Variants in UBN1 observed in about 807,000 individuals in gnomAD.
The protein encoded by UBN1 is ubinuclein 1, also known as ubinuclein-1.
A neutral mutation model predicts 108.5 loss-of-function variants in UBN1; 17 were observed. The observed-to-expected ratio is 0.16, with a 90% CI of 0.11 to 0.24. UBN1 has a LOEUF of 0.24. Among genes scored for constraint, UBN1 ranks in the 10% least tolerant of loss-of-function variants. The probability of loss-of-function intolerance (pLI) is 1.00; values close to 1 mark genes in which losing one functional copy is unlikely to be tolerated. For synonymous variants in UBN1, 726 were observed against 564.2 expected, an observed-to-expected ratio of 1.29 and a Z score of -4.07; for missense variants, 1,595 against 1,394.4, an observed-to-expected ratio of 1.14 and a Z score of -2.29.
Position 4,868,843 on chromosome 16 carries a change from C to A in UBN1, c.1121C>A (p.Ala374Asp), listed in dbSNP as rs2087464858. The A allele has an allele frequency of 4.3e-6, 7 of 1,613,708 alleles. No homozygotes were observed. The highest frequency in any genetic ancestry group is 4.2e-6 in the Non-Finnish European group (5 of 1,179,840). ...RVKELAQAARAAEGESRQKFF... is the reference protein window; with the variant it reads ...RVKELAQAARDAEGESRQKFF... ...TCTGCTGTGCACCAGGCTGCCAGAG[C>A]TGCTGAGGGGGAGAGCAGACAGAAG... The change falls in exon 8 of 18, where the codon GCT becomes GAT. Residue 374 changes from alanine (A) to aspartate (D), a missense_variant. By Grantham distance (126) the Ala-to-Asp change is moderately radical. Coordinates refer to ENST00000262376, the MANE Select transcript of UBN1 (RefSeq NM_001079514.3).
chr16:4,858,275 C>G (rs149500619), intron 3 of UBN1, among the ~76,000 whole-genome samples, 199 bp downstream of exon 3: 442 of 152,340 alleles, frequency 2.9e-3, no homozygotes, highest in African/African-American at 0.01. Context: ...GAAGAGCTAA[C>G]TGGACAAATA....
chr16:4,852,736 G>A, intron 1 of UBN1, 143 bp from the exon 2 acceptor site: 1 of 887,896 alleles, frequency 1.1e-6, no homozygotes, highest in Admixed American at 3.2e-5. Flanking sequence ...GGATGAATAA[G>A]CAGAAAAAAA....
At position 4,874,591 on chromosome 16, in the gene UBN1, A is replaced by G. The variant is rs2087792963; in HGVS notation, c.2181A>G (p.Pro727=). 1 of 1,614,056 alleles carries G rather than the reference A, an allele frequency of 6.2e-7. No individual in the cohort carries two copies. Among genetic ancestry groups the G allele is most frequent in the Admixed American group, 1.7e-5 (1 of 59,992 alleles). ...CGAAGCCTAGTCCTTCTGCTCCACC[A>G]CCAGCTAGCTCTCTGCAGTCACCCC... is the stretch of plus-strand genomic sequence containing the variant. ...NFAKPSPSAP[P]PASSLQSPLN... is the part of the protein sequence containing the mutation. Residue 727 remains proline (P), a synonymous_variant, in exon 15 of 18, where the codon CCA becomes CCG. Coordinates refer to ENST00000262376, the MANE Select transcript of UBN1 (RefSeq NM_001079514.3).
Position 4,880,247 on chromosome 16 carries a change from G to A in UBN1, c.*115G>A, listed in dbSNP as rs1398988665. On this transcript the variant is annotated 3_prime_UTR_variant, in exon 18 of 18. Coordinates refer to ENST00000262376, the MANE Select transcript of UBN1 (RefSeq NM_001079514.3). ...CTGCTTGGTGTTCTTCTGGAGGAGC[G>A]TGAGTTCTCAGCGGAGCGCTTCTCG... 6.4e-6 allele frequency: 8 copies of A among 1,250,988 alleles called. No homozygotes were observed. Among genetic ancestry groups the A allele is most frequent in the East Asian group, 4.7e-5 (2 of 42,466 alleles). 77.5% of individuals were successfully genotyped at this position (1,250,988 alleles called of 1,614,324 possible). A position where few individuals can be genotyped will look rare whatever the true frequency, so the allele number is the denominator to read the frequency against.
chr16:4,870,742 G>T, intron 10 of UBN1, 102 bp from the exon 11 acceptor site: 1 of 1,587,954 alleles, frequency 6.3e-7, no homozygotes, highest in South Asian at 1.1e-5. Context: ...GCTCTTCTTT[G>T]GCCTTTTCTC....
rs1315787234 is a variant in UBN1 at position 4,877,431 on chromosome 16, C to G, written c.3312C>G (p.Leu1104=). The G allele has an allele frequency of 6.2e-7, 1 of 1,612,558 alleles. No individual in the cohort carries two copies. The highest frequency in any genetic ancestry group is 8.5e-7 in the Non-Finnish European group (1 of 1,179,800). The change falls in exon 17 of 18, where the codon CTC becomes CTG. Residue 1104 remains leucine (L), a synonymous_variant. Transcript: ENST00000262376. The surrounding 1 kb of genome is among the most constrained non-coding windows in gnomAD (Gnocchi z 4.3). Reference sequence around the variant, plus strand: ...CCAGCCCGCCCCATGCAGCGCCTCTCCCACACGCTGCGGTGCCCACCCATA... The same window carrying G: ...CCAGCCCGCCCCATGCAGCGCCTCTGCCACACGCTGCGGTGCCCACCCATA... ...LHSSPPHAAP[L]PHAAVPTHIP...
chr16:4,880,642 T>G lies in UBN1; in HGVS notation c.*510T>G, dbSNP rs1209986364. On this transcript the variant is annotated 3_prime_UTR_variant, in exon 18 of 18. Coordinates refer to ENST00000262376, the MANE Select transcript of UBN1 (RefSeq NM_001079514.3). ...AGGCCAGAGCCACAGCTGGGAGACC[T>G]GCACTGTCCCTGCGAAATACTAAGA... 3 of 161,192 alleles carry G rather than the reference T, an allele frequency of 1.9e-5. No individual in the cohort carries two copies. Among genetic ancestry groups the G allele is most frequent in the East Asian group, 3.3e-4 (2 of 6,006 alleles). The allele number at this position is 161,192 out of a possible 1,614,324, so 10.0% of individuals were successfully genotyped here.
intron 7 of UBN1, 42 bp downstream of exon 7, chr16:4,861,144 T>G (rs747871553): frequency 1.2e-4 from 182 of 1,567,034 alleles, no homozygotes; most frequent in Non-Finnish European, 1.5e-4. Flanking sequence ...GGAAGCAGTT[T>G]GGGCAGATTG....
Position 4,860,751 on chromosome 16 carries a change from G to C in UBN1, c.759G>C (p.Gln253His). The C allele has an allele frequency of 6.2e-7, 1 of 1,614,260 alleles. No individual in the cohort carries two copies. The highest frequency in any genetic ancestry group is 8.5e-7 in the Non-Finnish European group (1 of 1,180,046). The change falls in exon 7 of 18, where the codon CAG becomes CAC. Residue 253 changes from glutamine (Q) to histidine (H), a missense_variant. Transcript: ENST00000262376. ...LSVKEMLKKFQKEKEAQKKRE... is the reference protein window; with the variant it reads ...LSVKEMLKKFHKEKEAQKKRE... The stretch of plus-strand genomic sequence containing the variant: ...TTAAAGAGATGCTAAAGAAATTTCA[G>C]AAAGAGAAAGAGGCTCAGAAAAAAA...
rs149970202 is a variant in UBN1, at chr16:4,874,260, T to C, written c.1850T>C (p.Ile617Thr). Residue 617 changes from isoleucine (I) to threonine (T), a missense_variant, in exon 15 of 18, where the codon ATT becomes ACT. Physicochemically the swap from Ile to Thr is moderately conservative, Grantham distance 89. Coordinates refer to ENST00000262376, the MANE Select transcript of UBN1 (RefSeq NM_001079514.3). The part of the protein sequence containing the change: ...DKKVSVPSGQ[I>T]GGPIALPSDH... ...AAGGTTTCTGTCCCATCAGGACAGA[T>C]TGGTGGCCCCATTGCTTTGCCCTCA... 4 of 1,609,846 alleles carry C rather than the reference T, an allele frequency of 2.5e-6. No individual in the cohort carries two copies. The highest frequency in any genetic ancestry group is 1.3e-5 in the African/African-American group (1 of 74,706).
chr16:4,850,381 G>C (rs1046825099), intron 1 of UBN1, among the ~76,000 whole-genome samples: 2 of 152,298 alleles, frequency 1.3e-5, no homozygotes, highest in South Asian at 2.1e-4. Context: ...CTGGACAGGG[G>C]GAGTAGGACC....
At position 4,874,552 on chromosome 16, in the gene UBN1, A is replaced by G. The variant is rs768888500; in HGVS notation, c.2142A>G (p.Glu714=). The G allele has an allele frequency of 1.9e-6, 3 of 1,614,228 alleles. No individual in the cohort carries two copies. In the South Asian group the frequency reaches 3.3e-5, roughly 18 times the overall value. The change falls in exon 15 of 18, where the codon GAA becomes GAG. Residue 714 remains glutamate, a synonymous_variant. Coordinates refer to ENST00000262376, the MANE Select transcript of UBN1 (RefSeq NM_001079514.3). ...TTGGAGGCGTTTTATGTACAGAAGA[A>G]AAAAGGAACTTTGCGAAGCCTAGTC... ...EKVGGVLCTE[E]KRNFAKPSPS...
intron 2 of UBN1, among the ~76,000 whole-genome samples, chr16:4,855,904 G>A (rs890773341): frequency 2.6e-5 from 4 of 152,118 alleles, no homozygotes; most frequent in Non-Finnish European, 5.9e-5. Flanking sequence ...GGGTGATGGC[G>A]ACTCCATCTC....
At position 4,874,553 on chromosome 16, in the gene UBN1, A is replaced by G. The variant is rs776996046; in HGVS notation, c.2143A>G (p.Lys715Glu). 12 of 1,614,124 alleles carry G rather than the reference A, an allele frequency of 7.4e-6. No homozygotes were observed. The highest frequency in any genetic ancestry group is 1.0e-5 in the Non-Finnish European group (12 of 1,180,054). Residue 715 changes from lysine to glutamate, a missense_variant, in exon 15 of 18, where the codon AAA becomes GAA. Physicochemically the swap from Lys to Glu is moderately conservative, Grantham distance 56. This residue lies in a region of UBN1 where 1,398 missense variants were observed against 1,194.7 expected (regional missense o/e 1.17). Transcript: ENST00000262376. The part of the protein sequence containing the change: ...KVGGVLCTEE[K>E]RNFAKPSPSA... ...TGGAGGCGTTTTATGTACAGAAGAA[A>G]AAAGGAACTTTGCGAAGCCTAGTCC...
intron 7 of UBN1, among the ~76,000 whole-genome samples, chr16:4,868,221 A>T (rs942716814): frequency 1.3e-5 from 2 of 152,076 alleles, no homozygotes; most frequent in Non-Finnish European, 2.9e-5. Context: ...GGTGTGTGTT[A>T]ACTGTGTTCT....
chr16:4,849,183 C>G (rs1428807282), intron 1 of UBN1, among the ~76,000 whole-genome samples: 1 of 152,150 alleles, frequency 6.6e-6, no homozygotes. Flanking sequence ...ACATCAGAAA[C>G]ATGGTACATT....
intron 1 of UBN1, among the ~76,000 whole-genome samples, chr16:4,851,480 T>C (rs998116664): frequency 6.6e-6 from 1 of 152,026 alleles, no homozygotes; most frequent in African/African-American, 2.4e-5. Context: ...ACACAAGTTC[T>C]TCTATAAGAT....
In UBN1 at chr16:4,877,682, C is replaced by T. The variant is rs754789433; in HGVS notation, c.3355+208C>T. The T allele has an allele frequency of 4.3e-5, 55 of 1,271,140 alleles. No homozygotes were observed. Among genetic ancestry groups the T allele is most frequent in the East Asian group, 3.2e-4 (10 of 31,494 alleles). The allele number at this position is 1,271,140 out of a possible 1,614,324, so 78.7% of individuals were successfully genotyped here. A position where few individuals can be genotyped will look rare whatever the true frequency, so the allele number is the denominator to read the frequency against. On this transcript the variant is annotated intron_variant, in intron 17 of 17. Coordinates refer to ENST00000262376, the MANE Select transcript of UBN1 (RefSeq NM_001079514.3). The surrounding 1 kb of genome is among the most constrained non-coding windows in gnomAD (Gnocchi z 4.3). ...TCCTCTGGTCCCCACTTGGAGCTGC[C>T]GCCAGGTCAGCCTCAGCCTGTGTGA...
At chr16:4,878,210 T>C (rs552485048) in intron 17 of UBN1, among the ~76,000 whole-genome samples, 1 of 152,290 alleles carries the variant, frequency 6.6e-6, no homozygotes, top group African/African-American at 2.4e-5. Context: ...GAGTCTGCGA[T>C]TCTTGGGTAC....
Sources: gnomAD v4.1 joint callset for allele counts (sites outside exome capture counted in the v4.1 genomes callset) on GRCh38, gnomAD v4.1.1 for gene constraint, gnomAD v4.1.1 regional missense constraint, Gnocchi (gnomAD v3.1) non-coding constraint, MANE v1.5 for transcripts, NCBI Gene and HGNC (gene_info 2026-07-23, HGNC 2026-07-21) for gene names.